MAGI2: variants seen among roughly 807,000 people sequenced by gnomAD.
MAGI2 encodes membrane-associated guanylate kinase, WW and PDZ domain-containing protein 2.
A neutral mutation model predicts 133.3 loss-of-function variants in MAGI2; 35 were observed. The observed-to-expected ratio is 0.26, with a 90% CI of 0.20 to 0.35. MAGI2 has a LOEUF of 0.35. Among genes scored for constraint, MAGI2 ranks in the 10% least tolerant of loss-of-function variants. The pLI is 1.00. For missense variants in MAGI2, 1,636 were observed against 1,863.4 expected, an observed-to-expected ratio of 0.88 and a Z score of 2.25; for synonymous variants, 729 against 710.6, an observed-to-expected ratio of 1.03 and a Z score of -0.41.
At chr7:78,212,462 G>T (rs931755909) in intron 10 of MAGI2, among the ~76,000 whole-genome samples, 1 of 152,162 alleles carries the variant, frequency 6.6e-6, no homozygotes, top group Non-Finnish European at 1.5e-5. Flanking sequence ...CTGCCCTGAA[G>T]ATACGGGAAG....
intron 6 of MAGI2, among the ~76,000 whole-genome samples, chr7:78,453,500 T>G (rs547537118): frequency 6.6e-6 from 1 of 152,352 alleles, no homozygotes; most frequent in African/African-American, 2.4e-5. Context: ...CCTAGTCTTT[T>G]CAGATGATAT....
intron 1 of MAGI2, among the ~76,000 whole-genome samples, chr7:79,267,462 T>C (rs574685368): frequency 2.0e-5 from 3 of 152,270 alleles, no homozygotes; most frequent in African/African-American, 7.2e-5. Flanking sequence ...GTGGGCTGAC[T>C]AGAAAGAGAG....
intron 1 of MAGI2, among the ~76,000 whole-genome samples, chr7:79,146,127 GC>G (rs1462148316): frequency 6.6e-6 from 1 of 152,118 alleles, no homozygotes; most frequent in African/African-American, 2.4e-5. Flanking sequence ...AAATGTGTGT[GC>G]TGGCTTACCA....
At chr7:79,347,661 C>A (rs774078946) in intron 1 of MAGI2, among the ~76,000 whole-genome samples, 137 of 151,834 alleles carry the variant, frequency 9.0e-4, no homozygotes, top group Non-Finnish European at 1.6e-3. Flanking sequence ...GCTGTTTTCC[C>A]CTTAATTTTA....
chr7:78,760,479 C>A (rs1824397591), intron 2 of MAGI2, among the ~76,000 whole-genome samples: 1 of 151,380 alleles, frequency 6.6e-6, no homozygotes, highest in African/African-American at 2.4e-5. Context: ...TCTCCTGCCT[C>A]AGCCTCCCGA....
chr7:78,294,102 G>GAAAT (rs1246622847), intron 9 of MAGI2, among the ~76,000 whole-genome samples: 1 of 151,904 alleles, frequency 6.6e-6, no homozygotes, highest in Non-Finnish European at 1.5e-5. Context: ...AATTCTTTAG[G>GAAAT]AAATACTTGC....
At chr7:79,449,089 A>G (rs1849056845) in intron 1 of MAGI2, among the ~76,000 whole-genome samples, 1 of 152,166 alleles carries the variant, frequency 6.6e-6, no homozygotes, top group Non-Finnish European at 1.5e-5. Context: ...ACATTTCTAC[A>G]GAAAAAAAGT....
In MAGI2 at chr7:78,501,804, G is replaced by T; in HGVS notation, c.755-17C>A. The stretch of plus-strand genomic sequence containing the variant: ...CACTGGATTCTATAAGAGAACAAGA[G>T]CACGTGGTTAGTCACTCCAACCATG... On this transcript the variant is annotated splice_polypyrimidine_tract_variant and intron_variant, in intron 4 of 21. Transcript: ENST00000354212. 6.2e-7 allele frequency: 1 copy of T among 1,600,692 alleles called. No homozygotes were observed. The highest frequency in any genetic ancestry group is 1.1e-5 in the South Asian group (1 of 90,700).
chr7:78,969,522 ACGT>A (rs112574406), intron 2 of MAGI2, among the ~76,000 whole-genome samples: 12 of 152,192 alleles, frequency 7.9e-5, no homozygotes, highest in African/African-American at 2.9e-4. Context: ...AAGCCGATTC[ACGT>A]CTACAATATT....
At chr7:78,648,241 A>G (rs1169322277) in intron 2 of MAGI2, among the ~76,000 whole-genome samples, 2 of 152,338 alleles carry the variant, frequency 1.3e-5, no homozygotes, top group South Asian at 4.1e-4. Flanking sequence ...AAATTCTGTC[A>G]TGGTTCCCAA....
In MAGI2 at chr7:79,184,525, C is replaced by T. The variant is rs1269005163; in HGVS notation, c.302-177319G>A. On this transcript the variant is annotated intron_variant, in intron 1 of 21. Coordinates refer to ENST00000354212, the MANE Select transcript of MAGI2 (RefSeq NM_012301.4). ...TAAAATATTGGATTCAATTGTTTTA[C>T]TATGTTCACTCTATAGCAGTAGAAT... 2.6e-5 allele frequency among the ~76,000 whole-genome samples: 4 copies of T among 151,358 alleles called. 1 individual carries two copies. Among genetic ancestry groups the T allele is most frequent in the African/African-American group, 7.3e-5 (3 of 41,180 alleles).
chr7:78,202,682 C>CAAAAA lies in MAGI2; in HGVS notation c.2048-1494_2048-1490dup, dbSNP rs59358280. ...TGGGCAACAGAGTGAGACTCTGTCT[C>CAAAAA]AAAAAAAAAAAAAAAAAAAAAAAAT... On this transcript the variant is annotated intron_variant, in intron 10 of 21. Transcript: ENST00000354212. 6.0e-3 allele frequency among the ~76,000 whole-genome samples: 425 copies of CAAAAA among 70,388 alleles called. 15 individuals are homozygous for CAAAAA. Among genetic ancestry groups the CAAAAA allele is most frequent in the East Asian group, 0.016 (34 of 2,142 alleles). 46.2% of individuals were successfully genotyped at this position (70,388 alleles called of 152,430 possible).
At chr7:78,922,790 C>CTA (rs1799366559) in intron 2 of MAGI2, among the ~76,000 whole-genome samples, 1 of 150,780 alleles carries the variant, frequency 6.6e-6, no homozygotes, top group Admixed American at 6.6e-5. Context: ...AATGGTTGAA[C>CTA]TAGTCTACAG....
At chr7:78,226,934 G>A (rs971962028) in intron 10 of MAGI2, among the ~76,000 whole-genome samples, 1 of 152,188 alleles carries the variant, frequency 6.6e-6, no homozygotes, top group Admixed American at 6.5e-5. Flanking sequence ...TAATTGCAGG[G>A]TTGGGACATG....
At chr7:78,695,834 G>A (rs939319469) in intron 2 of MAGI2, among the ~76,000 whole-genome samples, 11 of 152,144 alleles carry the variant, frequency 7.2e-5, no homozygotes, top group African/African-American at 2.7e-4. Context: ...TGTTTCTGCT[G>A]CCCCATCAGG....
rs1491471529 is a variant in MAGI2 at position 79,093,715 on chromosome 7, T to TTC, written c.302-86510_302-86509insGA. ...TTCTCTTTCTTTTTCTTTTCTTTTC[T>TTC]TTTTTTTTTTTTTTTTTAGATGGAG... is the stretch of plus-strand genomic sequence containing the variant. On this transcript the variant is annotated intron_variant, in intron 1 of 21. Transcript: ENST00000354212. Among the ~76,000 whole-genome samples the TTC allele has an allele frequency of 5.3e-3, 109 of 20,718 alleles. 1 individual carries two copies. The highest frequency in any genetic ancestry group is 7.7e-3 in the African/African-American group (103 of 13,296). The allele number at this position is 20,718 out of a possible 152,430, so 13.6% of individuals were successfully genotyped here.
intron 6 of MAGI2, among the ~76,000 whole-genome samples, chr7:78,393,350 T>C (rs1320431944): frequency 1.3e-5 from 2 of 152,226 alleles, no homozygotes; most frequent in African/African-American, 4.8e-5. Flanking sequence ...GAATGTTTTC[T>C]AGTGGCAGCA....
intron 1 of MAGI2, among the ~76,000 whole-genome samples, chr7:79,081,816 G>C (rs1238493907): frequency 6.6e-6 from 1 of 152,062 alleles, no homozygotes; most frequent in Non-Finnish European, 1.5e-5. Flanking sequence ...GGAGCTTTCA[G>C]ACATAGACCC....
At chr7:78,339,116 G>A (rs1339239773) in intron 9 of MAGI2, among the ~76,000 whole-genome samples, 8 of 152,180 alleles carry the variant, frequency 5.3e-5, no homozygotes, top group Non-Finnish European at 5.9e-5. Flanking sequence ...ATGGGCCTGT[G>A]GCCCCTCCTA....
Sources: gnomAD v4.1 joint callset for allele counts (sites outside exome capture counted in the v4.1 genomes callset) on GRCh38, gnomAD v4.1.1 for gene constraint, MANE v1.5 for transcripts, NCBI Gene and HGNC (gene_info 2026-07-23, HGNC 2026-07-21) for gene names.